ARHGAP10: variants seen among roughly 807,000 people sequenced by gnomAD.
ARHGAP10 encodes Rho GTPase activating protein 10.
In ARHGAP10, 87 loss-of-function variants were observed where a neutral mutation model predicts 108.6. The observed-to-expected ratio is 0.80, with a 90% CI of 0.67 to 0.96. ARHGAP10 has a LOEUF of 0.96. ARHGAP10 is among the 40% of genes least tolerant of loss of function. ARHGAP10 has a pLI of 0.00. For missense variants in ARHGAP10, 939 were observed against 954.5 expected, an observed-to-expected ratio of 0.98 and a Z score of 0.21; for synonymous variants, 347 against 341.1, an observed-to-expected ratio of 1.02 and a Z score of -0.19.
chr4:148,060,648 C>T (rs1433062319), intron 20 of ARHGAP10, among the ~76,000 whole-genome samples: 2 of 152,170 alleles, frequency 1.3e-5, no homozygotes, highest in African/African-American at 4.8e-5. Context: ...GACACTGTCT[C>T]CAGCCTTGCA....
chr4:147,783,015 A>G (rs1056897778), intron 1 of ARHGAP10, among the ~76,000 whole-genome samples: 5 of 140,816 alleles, frequency 3.6e-5, no homozygotes, highest in Non-Finnish European at 6.1e-5. Flanking sequence ...ATTATATACT[A>G]TATGTTAAAT....
intron 1 of ARHGAP10, among the ~76,000 whole-genome samples, chr4:147,760,300 C>T (rs892348503): frequency 1.3e-5 from 2 of 152,170 alleles, no homozygotes; most frequent in South Asian, 2.1e-4. Flanking sequence ...GTAAGTGCGT[C>T]GGGTTACAAT....
intron 1 of ARHGAP10, among the ~76,000 whole-genome samples, chr4:147,753,958 C>G (rs1230143348): frequency 6.6e-6 from 1 of 152,146 alleles, no homozygotes; most frequent in South Asian, 2.1e-4. Context: ...GGCTTCCATT[C>G]ATCTGCTACT....
At chr4:148,034,988 A>C (rs1728309865) in intron 19 of ARHGAP10, among the ~76,000 whole-genome samples, 1 of 152,194 alleles carries the variant, frequency 6.6e-6, no homozygotes, top group Non-Finnish European at 1.5e-5. Flanking sequence ...TTCTATTGAC[A>C]TTGCAACTGA....
At chr4:147,769,945 T>C (rs1730004723) in intron 1 of ARHGAP10, among the ~76,000 whole-genome samples, 1 of 152,178 alleles carries the variant, frequency 6.6e-6, no homozygotes, top group Non-Finnish European at 1.5e-5. Flanking sequence ...ATAATTAATG[T>C]GGAGTGTTGA....
chr4:147,843,957 A>G (rs1358942169), intron 3 of ARHGAP10, among the ~76,000 whole-genome samples: 1 of 152,062 alleles, frequency 6.6e-6, no homozygotes, highest in East Asian at 1.9e-4. Context: ...CTCTACTTGC[A>G]TGACTTCAAA....
chr4:148,001,786 T>G (rs1041722403), intron 18 of ARHGAP10, among the ~76,000 whole-genome samples: 1 of 152,250 alleles, frequency 6.6e-6, no homozygotes, highest in Non-Finnish European at 1.5e-5. Flanking sequence ...TTTGCTGAAG[T>G]TGCTTACCAG....
At chr4:147,891,243 A>C (rs191138848) in intron 10 of ARHGAP10, among the ~76,000 whole-genome samples, 211 of 152,362 alleles carry the variant, frequency 1.4e-3, no homozygotes, top group African/African-American at 4.9e-3. Context: ...CTGTTAAGAG[A>C]TGAATGGATA....
chr4:147,967,340 G>A (rs17024223), intron 18 of ARHGAP10, among the ~76,000 whole-genome samples: 20,079 of 152,210 alleles, frequency 0.13, 1,733 homozygotes, highest in African/African-American at 0.25. Context: ...CTGGGAAACC[G>A]CCTGCCTTGC....
At chr4:147,971,557 T>A (rs926500521) in intron 18 of ARHGAP10, among the ~76,000 whole-genome samples, 1 of 152,208 alleles carries the variant, frequency 6.6e-6, no homozygotes, top group South Asian at 2.1e-4. Context: ...ATAATGGAGT[T>A]TGAACAGGTG....
chr4:147,922,985 G>T (rs1434097070), intron 13 of ARHGAP10, among the ~76,000 whole-genome samples: 6 of 152,056 alleles, frequency 3.9e-5, no homozygotes, highest in Admixed American at 3.9e-4. Context: ...CTAAATACAG[G>T]CATGCCTTGC....
intron 20 of ARHGAP10, among the ~76,000 whole-genome samples, chr4:148,053,171 A>C (rs1729218872): frequency 6.6e-6 from 1 of 152,204 alleles, no homozygotes; most frequent in Non-Finnish European, 1.5e-5. Context: ...CCCAAGCCAC[A>C]CAAGCAGTAA....
chr4:147,822,932 A>G lies in ARHGAP10; in HGVS notation c.287A>G (p.Asn96Ser), dbSNP rs1184010805. Residue 96 changes from asparagine to serine, a missense_variant, in exon 3 of 23, where the codon AAT (asparagine) becomes AGT (serine). Physicochemically the swap from Asn to Ser is conservative, Grantham distance 46 (BLOSUM62 1). Coordinates refer to ENST00000336498, the MANE Select transcript of ARHGAP10 (RefSeq NM_024605.4). ...SLREFSNFLK[N>S]LEEQREIMAL... is the part of the protein sequence containing the mutation. Reference sequence around the variant, plus strand: ...CGTGAATTTTCAAATTTTTTGAAGAATCTGGAGGAACAGAGAGAAATTATG... The same window carrying G: ...CGTGAATTTTCAAATTTTTTGAAGAGTCTGGAGGAACAGAGAGAAATTATG... The G allele has an allele frequency of 5.6e-6, 9 of 1,613,844 alleles. No homozygotes were observed. The East Asian group carries it at 1.8e-4, about 32-fold the overall frequency.
chr4:147,884,523 G>A (rs764460749), intron 10 of ARHGAP10, among the ~76,000 whole-genome samples: 48 of 152,290 alleles, frequency 3.2e-4, no homozygotes, highest in African/African-American at 7.5e-4. Flanking sequence ...TTTAGCTTCC[G>A]TCTTTTTTCT....
chr4:147,789,075 A>G (rs1179895188), intron 1 of ARHGAP10, among the ~76,000 whole-genome samples: 7 of 151,976 alleles, frequency 4.6e-5, no homozygotes, highest in African/African-American at 1.7e-4. Context: ...TGTGAGTGTG[A>G]CCTCCCCTCT....
chr4:147,938,143 T>C (rs1446990431), intron 13 of ARHGAP10, among the ~76,000 whole-genome samples: 2 of 152,034 alleles, frequency 1.3e-5, no homozygotes, highest in African/African-American at 4.8e-5. Context: ...TTCTCACTTA[T>C]AAGTGGGAGC....
chr4:147,769,259 C>T (rs1291454433), intron 1 of ARHGAP10, among the ~76,000 whole-genome samples: 1 of 151,954 alleles, frequency 6.6e-6, no homozygotes. Flanking sequence ...CCATCATGAT[C>T]CTAATTACCA....
intron 3 of ARHGAP10, among the ~76,000 whole-genome samples, chr4:147,828,780 C>T (rs1394506427): frequency 6.6e-6 from 1 of 152,076 alleles, no homozygotes; most frequent in Admixed American, 6.6e-5. Context: ...AGAAGTAGAG[C>T]AATTGCCAGT....
chr4:147,802,300 C>T (rs1731613996), intron 1 of ARHGAP10, among the ~76,000 whole-genome samples: 4 of 152,156 alleles, frequency 2.6e-5, no homozygotes, highest in South Asian at 4.1e-4. Flanking sequence ...ATAGGTGATC[C>T]ATAGGCTAAA....
Sources: allele counts gnomAD v4.1 joint callset (sites outside exome capture counted in the v4.1 genomes callset), GRCh38; gene constraint gnomAD v4.1.1; transcripts MANE v1.5; gene names NCBI Gene and HGNC (gene_info 2026-07-23, HGNC 2026-07-21).